Variants in CNTN6 observed in about 807,000 individuals in gnomAD.
CNTN6 encodes contactin-6.
CNTN6 carries 137 observed loss-of-function variants against 122.8 expected under a neutral mutation model. The observed-to-expected ratio is 1.12, with a 90% CI of 0.97 to 1.29. CNTN6 has a LOEUF of 1.29. Among genes scored for constraint, CNTN6 ranks in the 50% most tolerant of loss-of-function variants. CNTN6 has a pLI of 0.00. For synonymous variants in CNTN6, 570 were observed against 426.0 expected (o/e 1.34, Z -4.16); for missense variants, 1,634 against 1,223.4 (o/e 1.34, Z -5.01).
intron 8 of CNTN6, among the ~76,000 whole-genome samples, chr3:1,323,801 C>A (rs265793): frequency 0.38 from 57,968 of 151,284 alleles, 12,147 homozygotes; most frequent in East Asian, 0.69. Flanking sequence ...AATCCTAAGC[C>A]TCTTCTCCCA....
intron 1 of CNTN6, among the ~76,000 whole-genome samples, chr3:1,136,674 A>G (rs2092483244): frequency 6.6e-6 from 1 of 152,180 alleles, no homozygotes; most frequent in Non-Finnish European, 1.5e-5. Context: ...TCTAATAAGT[A>G]GAAATGTTTC....
chr3:1,202,201 C>T (rs2093882803), intron 2 of CNTN6, among the ~76,000 whole-genome samples: 1 of 152,176 alleles, frequency 6.6e-6, no homozygotes, highest in Non-Finnish European at 1.5e-5. Context: ...AGAAAGAATG[C>T]ATGACTAGGA....
chr3:1,199,193 T>C (rs78533800), intron 2 of CNTN6, among the ~76,000 whole-genome samples: 7 of 150,440 alleles, frequency 4.7e-5, no homozygotes, highest in Non-Finnish European at 8.9e-5. Flanking sequence ...TTTTTTTTTT[T>C]CCTGAGACAA....
intron 4 of CNTN6, among the ~76,000 whole-genome samples, chr3:1,247,641 T>C (rs904515673): frequency 4.6e-5 from 7 of 152,160 alleles, no homozygotes; most frequent in Non-Finnish European, 8.8e-5. Flanking sequence ...ATATAACAAC[T>C]GTTTCTGTGA....
intron 12 of CNTN6, among the ~76,000 whole-genome samples, chr3:1,353,301 T>C (rs1705963518): frequency 6.6e-6 from 1 of 151,696 alleles, no homozygotes; most frequent in Non-Finnish European, 1.5e-5. Context: ...ATCTTTTCCA[T>C]TAAAATAAAT....
At chr3:1,398,108 A>T (rs1187088141) in intron 20 of CNTN6, among the ~76,000 whole-genome samples, 2 of 151,748 alleles carry the variant, frequency 1.3e-5, no homozygotes, top group African/African-American at 4.8e-5. Context: ...TACCATTGAC[A>T]GACTTGGTAC....
At chr3:1,347,597 T>C (rs924007897) in intron 11 of CNTN6, among the ~76,000 whole-genome samples, 2 of 152,064 alleles carry the variant, frequency 1.3e-5, no homozygotes, top group Non-Finnish European at 2.9e-5. Context: ...AGGCAAGAAT[T>C]TTAAGAAGAC....
rs1701446215 is a variant in CNTN6 at position 1,325,760 on chromosome 3, A to C, written c.947-55A>C. ...CTCTACAGCCCTTGTAATGTAGCAT[A>C]ATGTCTTGGATAACTGCCTTTTACC... On this transcript the variant is annotated intron_variant, in intron 8 of 22. Transcript: ENST00000446702. 7 of 1,580,948 alleles carry C rather than the reference A, an allele frequency of 4.4e-6. No homozygotes were observed. The South Asian group carries it at 8.2e-5, about 18-fold the overall frequency.
chr3:1,115,077 G>T (rs889379396), intron 1 of CNTN6, among the ~76,000 whole-genome samples: 1 of 152,052 alleles, frequency 6.6e-6, no homozygotes, highest in Non-Finnish European at 1.5e-5. Flanking sequence ...TCAGTTTTAA[G>T]ACCAAAAAAA....
intron 1 of CNTN6, among the ~76,000 whole-genome samples, chr3:1,144,638 T>C (rs2092686510): frequency 7.5e-6 from 1 of 133,260 alleles, no homozygotes; most frequent in East Asian, 2.2e-4. Context: ...TTGGGGCTTG[T>C]CGGATTACTT....
intron 2 of CNTN6, among the ~76,000 whole-genome samples, chr3:1,151,882 G>C (rs1269641763): frequency 6.6e-6 from 1 of 151,960 alleles, no homozygotes; most frequent in African/African-American, 2.4e-5. Context: ...AGAATTTTAA[G>C]AAGTCACAAT....
At chr3:1,270,019 A>G (rs1279312703) in intron 4 of CNTN6, among the ~76,000 whole-genome samples, 3 of 152,186 alleles carry the variant, frequency 2.0e-5, no homozygotes, top group Non-Finnish European at 4.4e-5. Flanking sequence ...GACCAGTTCT[A>G]AGATTTAGCT....
intron 2 of CNTN6, among the ~76,000 whole-genome samples, chr3:1,152,496 A>T (rs888464320): frequency 6.6e-6 from 1 of 152,104 alleles, no homozygotes; most frequent in Non-Finnish European, 1.5e-5. Context: ...GTAGAAGCTG[A>T]AAAACCACGT....
chr3:1,182,300 A>T lies in CNTN6; in HGVS notation c.55+34237A>T, dbSNP rs541031769. 2.6e-5 allele frequency among the ~76,000 whole-genome samples: 4 copies of T among 152,294 alleles called. No homozygotes were observed. The South Asian group carries it at 8.3e-4, about 32-fold the overall frequency. ...CTAGAACTGGAATCTGATGATGAGC[A>T]TCTTTGTTCTCCAGATTTCAAGGAG... On this transcript the variant is annotated intron_variant, in intron 2 of 22. Coordinates refer to ENST00000446702, the MANE Select transcript of CNTN6 (RefSeq NM_001289080.2).
intron 1 of CNTN6, among the ~76,000 whole-genome samples, chr3:1,127,049 T>G (rs2092187896): frequency 1.3e-5 from 2 of 151,486 alleles, no homozygotes; most frequent in Non-Finnish European, 3.0e-5. Context: ...AGTATACAAA[T>G]TATATAAAAG....
chr3:1,344,441 C>G (rs1363322954), intron 11 of CNTN6, among the ~76,000 whole-genome samples: 1 of 152,116 alleles, frequency 6.6e-6, no homozygotes, highest in African/African-American at 2.4e-5. Flanking sequence ...GGTGGAGCTG[C>G]TTTACCTGAA....
At chr3:1,302,313 T>G (rs78845201) in intron 7 of CNTN6, among the ~76,000 whole-genome samples, 9,059 of 152,188 alleles carry the variant, frequency 0.06, 936 homozygotes, top group African/African-American at 0.21. Flanking sequence ...TACTTTGTGA[T>G]GTACTTTACT....
chr3:1,374,001 G>A lies in CNTN6; in HGVS notation c.2023G>A (p.Val675Ile), dbSNP rs1444575291. 6.2e-7 allele frequency: 1 copy of A among 1,613,284 alleles called. No individual in the cohort carries two copies. The highest frequency in any genetic ancestry group is 8.5e-7 in the Non-Finnish European group (1 of 1,179,430). The change falls in exon 16 of 23, where the codon GTT becomes ATT. Residue 675 changes from valine to isoleucine, a missense_variant. Val to Ile is a conservative substitution (Grantham distance 29, BLOSUM62 3). Coordinates refer to ENST00000446702, the MANE Select transcript of CNTN6 (RefSeq NM_001289080.2). ...TCCTTGGGTGGAATATGAATTTCGT[G>A]TTGTTGCCGGCAACAGCATTGGGAT... Reference protein sequence around the residue: ...LSPWVEYEFRVVAGNSIGIGE... With the variant: ...LSPWVEYEFRIVAGNSIGIGE...
At position 1,280,459 on chromosome 3, in the gene CNTN6, A is replaced by ATTTTTTTTTTTTTTTTTTTT. The variant is rs71619483; in HGVS notation, c.454+1955_454+1974dup. Among the ~76,000 whole-genome samples the ATTTTTTTTTTTTTTTTTTTT allele has an allele frequency of 2.0e-3, 133 of 66,612 alleles. 27 individuals are homozygous for ATTTTTTTTTTTTTTTTTTTT. Among genetic ancestry groups the ATTTTTTTTTTTTTTTTTTTT allele is most frequent in the Non-Finnish European group, 2.9e-3 (105 of 36,552 alleles). 43.7% of individuals were successfully genotyped at this position (66,612 alleles called of 152,430 possible). A position where few individuals can be genotyped will look rare whatever the true frequency, so the allele number is the denominator to read the frequency against. On this transcript the variant is annotated intron_variant, in intron 5 of 22. Transcript: ENST00000446702. The stretch of plus-strand genomic sequence containing the variant: ...GTAATGGCAAACTTGTGTAATACCA[A>ATTTTTTTTTTTTTTTTTTTT]TTTTTTTTTTTTTTTTTTTTTTTGT...
Sources: gnomAD v4.1 joint callset for allele counts (sites outside exome capture counted in the v4.1 genomes callset) on GRCh38, gnomAD v4.1.1 for gene constraint, MANE v1.5 for transcripts, NCBI Gene and HGNC (gene_info 2026-07-23, HGNC 2026-07-21) for gene names.